ZNF783: variants seen among roughly 807,000 people sequenced by gnomAD.
ZNF783 encodes protein ZNF783.
ZNF783 carries 25 observed loss-of-function variants against 31.3 expected under a neutral mutation model. That is an observed-to-expected ratio of 0.80 (90% confidence interval 0.58 to 1.11). The LOEUF is 1.11. Among genes scored for constraint, ZNF783 ranks in the 50% most tolerant of loss-of-function variants. ZNF783 has a pLI of 0.00. For missense variants in ZNF783, 797 were observed against 760.0 expected, an observed-to-expected ratio of 1.05 and a Z score of -0.57; for synonymous variants, 369 against 319.1, an observed-to-expected ratio of 1.16 and a Z score of -1.66.
intron 1 of ZNF783, among the ~76,000 whole-genome samples, chr7:149,265,559 T>C (rs1287865999): frequency 6.6e-6 from 1 of 152,156 alleles, no homozygotes; most frequent in Non-Finnish European, 1.5e-5. Context: ...ACAAGGGCGC[T>C]AATCCTATTT....
chr7:149,266,761 C>G, intron 2 of ZNF783, 31 bp downstream of exon 2: 1 of 1,613,278 alleles, frequency 6.2e-7, no homozygotes, highest in Non-Finnish European at 8.5e-7. Flanking sequence ...GGTGGGGGAG[C>G]TCGAGGGGCT....
At position 149,266,422 on chromosome 7, in the gene ZNF783, T is replaced by C. The variant is rs1585607898; in HGVS notation, c.112T>C (p.Ser38Pro). The stretch of plus-strand genomic sequence containing the variant: ...TGCTGAGAAGAACTCGTACCTCTAC[T>C]CCACGGAAATCACACTGTGGACGGT... Reference protein sequence around the residue: ...PAAEKNSYLYSTEITLWTVVA... With the variant: ...PAAEKNSYLYPTEITLWTVVA... Residue 38 changes from serine to proline, a missense_variant, in exon 2 of 6, where the codon TCC becomes CCC. Physicochemically the swap from Ser to Pro is moderately conservative, Grantham distance 74 (BLOSUM62 -1). Transcript: ENST00000434415. 9 of 1,602,730 alleles carry C rather than the reference T, an allele frequency of 5.6e-6. No individual in the cohort carries two copies. In the East Asian group the frequency reaches 2.0e-4, roughly 36 times the overall value.
intron 4 of ZNF783, among the ~76,000 whole-genome samples, chr7:149,271,970 C>T (rs920907787): frequency 7.9e-5 from 12 of 152,142 alleles, no homozygotes; most frequent in Non-Finnish European, 1.5e-4. Flanking sequence ...GCAGGGAGTA[C>T]GTTGTGCATA....
chr7:149,271,437 T>G (rs1368744242), intron 4 of ZNF783, among the ~76,000 whole-genome samples: 1 of 152,238 alleles, frequency 6.6e-6, no homozygotes, highest in African/African-American at 2.4e-5. Flanking sequence ...AAGATTTCTT[T>G]GCAGTTCTTT....
rs550966536 is a variant in ZNF783 at position 149,268,195 on chromosome 7, A to G, written c.673+973A>G. Reference sequence around the variant, plus strand: ...CCATCTGTTTTTACCCTTTTCCTGAACAATGACCACATACCATGATCACAC... The same window carrying G: ...CCATCTGTTTTTACCCTTTTCCTGAGCAATGACCACATACCATGATCACAC... On this transcript the variant is annotated intron_variant, in intron 4 of 5. Transcript: ENST00000434415. Among the ~76,000 whole-genome samples, 14 of 152,318 alleles carry G rather than the reference A, an allele frequency of 9.2e-5. No individual in the cohort carries two copies. In the South Asian group the frequency reaches 2.9e-3, roughly 32 times the overall value.
chr7:149,266,570 A>G lies in ZNF783; in HGVS notation c.260A>G (p.Glu87Gly). Residue 87 changes from glutamate (E) to glycine (G), a missense_variant, in exon 2 of 6, where the codon GAG (glutamate) becomes GGG (glycine). By Grantham distance (98) the Glu-to-Gly change is moderately conservative. Coordinates refer to ENST00000434415, the MANE Select transcript of ZNF783 (RefSeq NM_001195220.2). The part of the protein sequence containing the change: ...KLADCEKTAV[E>G]FGNQLEGKWA... Reference sequence around the variant, plus strand: ...GCCGACTGCGAGAAGACAGCTGTGGAGTTCGGGAACCAGCTGGAGGGCAAG... The same window carrying G: ...GCCGACTGCGAGAAGACAGCTGTGGGGTTCGGGAACCAGCTGGAGGGCAAG... 1.2e-6 allele frequency: 2 copies of G among 1,614,136 alleles called. No individual in the cohort carries two copies. The highest frequency in any genetic ancestry group is 1.1e-5 in the South Asian group (1 of 91,074).
At chr7:149,266,201 C>G (rs144527686) in intron 1 of ZNF783, 134 bp from the exon 2 acceptor site, 62 of 1,050,018 alleles carry the variant, frequency 5.9e-5, no homozygotes, top group South Asian at 2.1e-4. Context: ...CCCTCTCCCC[C>G]CCAGTCTGCT....
In ZNF783 at chr7:149,281,525, A is replaced by C. The variant is rs1428289866; in HGVS notation, c.823A>C (p.Thr275Pro). 2.8e-6 allele frequency: 4 copies of C among 1,454,344 alleles called. No individual in the cohort carries two copies. Among genetic ancestry groups the C allele is most frequent in the East Asian group, 5.2e-5 (2 of 38,676 alleles). The allele number at this position is 1,454,344 out of a possible 1,614,324, so 90.1% of individuals were successfully genotyped here. A position where few individuals can be genotyped will look rare whatever the true frequency, so the allele number is the denominator to read the frequency against. The part of the protein sequence containing the change: ...PEAGGGVAIK[T>P]EAQSEDEMTP... Reference sequence around the variant, plus strand: ...GCCAGGTGGTGGTGTGGCCATCAAGACAGAGGCACAGTCTGAAGACGAGAT... The same window carrying C: ...GCCAGGTGGTGGTGTGGCCATCAAGCCAGAGGCACAGTCTGAAGACGAGAT... The change falls in exon 6 of 6, where the codon ACA becomes CCA. Residue 275 changes from threonine (T) to proline (P), a missense_variant. By Grantham distance (38) the Thr-to-Pro change is conservative. Coordinates refer to ENST00000434415, the MANE Select transcript of ZNF783 (RefSeq NM_001195220.2).
chr7:149,265,466 C>CT (rs771695924), intron 1 of ZNF783, among the ~76,000 whole-genome samples: 7 of 152,212 alleles, frequency 4.6e-5, no homozygotes, highest in Non-Finnish European at 1.0e-4. Flanking sequence ...CGGCAGGGCT[C>CT]TTTTCCTGGT....
chr7:149,282,029 C>T lies in ZNF783; in HGVS notation c.1327C>T (p.Arg443Cys), dbSNP rs745921411. 1.1e-5 allele frequency: 17 copies of T among 1,588,180 alleles called. No individual in the cohort carries two copies. The highest frequency in any genetic ancestry group is 2.3e-5 in the East Asian group (1 of 44,376). ...SKMYHCSECL[R>C]FFQQRKSLLL... ...GATGTACCACTGCAGCGAGTGCCTG[C>T]GCTTCTTCCAGCAGCGCAAGAGCCT... is the stretch of plus-strand genomic sequence containing the variant. The change falls in exon 6 of 6, where the codon CGC becomes TGC. Residue 443 changes from arginine (R) to cysteine (C), a missense_variant. Physicochemically the swap from Arg to Cys is radical, Grantham distance 180. Coordinates refer to ENST00000434415, the MANE Select transcript of ZNF783 (RefSeq NM_001195220.2).
In ZNF783 at chr7:149,267,147, G is replaced by A. The variant is rs1404307653; in HGVS notation, c.598G>A (p.Glu200Lys). The change falls in exon 4 of 6, where the codon GAG (glutamate) becomes AAG (lysine). Residue 200 changes from glutamate (E) to lysine (K), a missense_variant. Coordinates refer to ENST00000434415, the MANE Select transcript of ZNF783 (RefSeq NM_001195220.2). ...CCTCACCCGGATAGAGAGGGGAGAG[G>A]AGCCTTGTCTTGACCGGTGGGGCCA... ...DILTRIERGEEPCLDRWGQEK... is the reference protein window; with the variant it reads ...DILTRIERGEKPCLDRWGQEK... 6.3e-7 allele frequency: 1 copy of A among 1,599,596 alleles called. No individual in the cohort carries two copies. Among genetic ancestry groups the A allele is most frequent in the Admixed American group, 1.7e-5 (1 of 60,020 alleles).
chr7:149,262,315 G>T lies in ZNF783; in HGVS notation c.-19G>T. 7.4e-7 allele frequency: 1 copy of T among 1,356,314 alleles called. No homozygotes were observed. Among genetic ancestry groups the T allele is most frequent in the South Asian group, 1.6e-5 (1 of 61,416 alleles). The allele number at this position is 1,356,314 out of a possible 1,614,324, so 84.0% of individuals were successfully genotyped here. On this transcript the variant is annotated 5_prime_UTR_variant, in exon 1 of 6. Transcript: ENST00000434415. ...GGCCGGGTCCAGGGACTGCAACCCAGCGAGGGACGCGGGCAGCCATGGCCG... is the reference window on the plus strand; with the variant it reads ...GGCCGGGTCCAGGGACTGCAACCCATCGAGGGACGCGGGCAGCCATGGCCG...
chr7:149,262,233 G>A lies in ZNF783; in HGVS notation c.-101G>A. ...GCTGCCGCCCGGCAGTAGCTCTCAG[G>A]TTAGGCGGGTCCCGCTCCGCTTCCG... On this transcript the variant is annotated 5_prime_UTR_variant, in exon 1 of 6. Transcript: ENST00000434415. 3 of 1,139,400 alleles carry A rather than the reference G, an allele frequency of 2.6e-6. No individual in the cohort carries two copies. Among genetic ancestry groups the A allele is most frequent in the South Asian group, 4.4e-5 (2 of 45,250 alleles). The allele number at this position is 1,139,400 out of a possible 1,614,324, so 70.6% of individuals were successfully genotyped here. A position where few individuals can be genotyped will look rare whatever the true frequency, so the allele number is the denominator to read the frequency against.
At chr7:149,272,161 G>A (rs895762061) in intron 4 of ZNF783, among the ~76,000 whole-genome samples, 6 of 152,100 alleles carry the variant, frequency 3.9e-5, no homozygotes, top group Non-Finnish European at 7.4e-5. Flanking sequence ...GGGACCACAG[G>A]TGTGCGCCAC....
rs1797550619 is a variant in ZNF783, at chr7:149,284,249, CTT to C, written c.*1907_*1908del. 1 of 152,332 alleles carries C rather than the reference CTT, an allele frequency of 6.6e-6. No homozygotes were observed. Among genetic ancestry groups the C allele is most frequent in the Admixed American group, 6.5e-5 (1 of 15,286 alleles). The allele number at this position is 152,332 out of a possible 1,614,324, so 9.4% of individuals were successfully genotyped here. A position where few individuals can be genotyped will look rare whatever the true frequency, so the allele number is the denominator to read the frequency against. On this transcript the variant is annotated 3_prime_UTR_variant, in exon 6 of 6. Coordinates refer to ENST00000434415, the MANE Select transcript of ZNF783 (RefSeq NM_001195220.2). ...ACGCTTCAGGGCTGCTTCTGGGGGT[CTT>C]GGTCCCTGGATGTGCCATTTCCTTG...
chr7:149,262,386 G>A (rs1476978477), intron 1 of ZNF783, 29 bp downstream of exon 1: 3 of 1,254,894 alleles, frequency 2.4e-6, no homozygotes, highest in Non-Finnish European at 3.0e-6. Flanking sequence ...GCGGACGCCC[G>A]GAAGGCCCAG....
At chr7:149,266,191 C>A in intron 1 of ZNF783, 144 bp from the exon 2 acceptor site, 1 of 954,414 alleles carries the variant, frequency 1.0e-6, no homozygotes. Flanking sequence ...CCTAGCCTCT[C>A]CCTCTCCCCC....
chr7:149,266,367 G>T lies in ZNF783; in HGVS notation c.57G>T (p.Gln19His). ...AGACAGACAAGCACACAGAGGACCA[G>T]AGTCCTTCGACACCCTTGCCCCAGC... ...DPETDKHTED[Q>H]SPSTPLPQPA... Residue 19 changes from glutamine to histidine, a missense_variant, in exon 2 of 6, where the codon CAG becomes CAT. Transcript: ENST00000434415. 6.3e-7 allele frequency: 1 copy of T among 1,597,138 alleles called. No individual in the cohort carries two copies. Among genetic ancestry groups the T allele is most frequent in the South Asian group, 1.1e-5 (1 of 90,686 alleles).
Position 149,263,322 on chromosome 7 carries a change from ATATT to A in ZNF783, c.24+967_24+970del, listed in dbSNP as rs1395035691. ...TGTGTGTGTATATATATATATATAT[ATATT>A]TTTTTTTTAGACACAGTCTCACTCT... On this transcript the variant is annotated intron_variant, in intron 1 of 5. Coordinates refer to ENST00000434415, the MANE Select transcript of ZNF783 (RefSeq NM_001195220.2). 8.9e-4 allele frequency among the ~76,000 whole-genome samples: 101 copies of A among 113,668 alleles called. 1 individual carries two copies. The Middle Eastern group carries it at 0.013, about 15-fold the overall frequency. 74.6% of individuals were successfully genotyped at this position (113,668 alleles called of 152,430 possible). A position where few individuals can be genotyped will look rare whatever the true frequency, so the allele number is the denominator to read the frequency against.
Sources: gnomAD v4.1 joint callset for allele counts (sites outside exome capture counted in the v4.1 genomes callset) on GRCh38, gnomAD v4.1.1 for gene constraint, MANE v1.5 for transcripts, NCBI Gene and HGNC (gene_info 2026-07-23, HGNC 2026-07-21) for gene names.